Variants in USP25 observed in about 807,000 individuals in gnomAD.
USP25 encodes the protein ubiquitin specific peptidase 25.
Under a neutral mutation model 158.5 loss-of-function variants are expected in USP25, and 85 were observed. The ratio of observed to expected loss-of-function variants is 0.54; its 90% CI spans 0.45 to 0.64. The LOEUF is 0.64. Ranked by LOEUF, USP25 falls within the 30% of genes least tolerant of loss-of-function variation. The pLI, the probability that USP25 is intolerant of heterozygous loss-of-function variation, is 0.00. For synonymous variants in USP25, 464 were observed against 460.4 expected (o/e 1.01, Z -0.10); for missense variants, 1,242 against 1,327.3 (o/e 0.94, Z 1.00).
chr21:15,806,536 A>C (rs1432675855), intron 7 of USP25, among the ~76,000 whole-genome samples: 1 of 151,996 alleles, frequency 6.6e-6, no homozygotes, highest in Non-Finnish European at 1.5e-5. Context: ...GTATGTACAT[A>C]GGTGGGCTTT....
chr21:15,825,186 AG>A (rs1332339105), intron 12 of USP25, 125 bp downstream of exon 12: 8 of 644,636 alleles, frequency 1.2e-5, no homozygotes, highest in Non-Finnish European at 2.0e-5. Flanking sequence ...TTGTGTGAAT[AG>A]TTTTGAGTTT....
intron 9 of USP25, among the ~76,000 whole-genome samples, chr21:15,812,361 T>C (rs1412529301): frequency 3.3e-5 from 5 of 152,048 alleles, no homozygotes; most frequent in African/African-American, 1.2e-4. Flanking sequence ...AAATATTTAA[T>C]TTGTTGGCTG....
chr21:15,755,973 C>T (rs1218292569), intron 1 of USP25, among the ~76,000 whole-genome samples: 1 of 152,052 alleles, frequency 6.6e-6, no homozygotes, highest in Non-Finnish European at 1.5e-5. Flanking sequence ...CTTCCGGGCT[C>T]TGGGAGAGAT....
At chr21:15,796,509 A>G (rs2035868607) in intron 5 of USP25, among the ~76,000 whole-genome samples, 1 of 151,490 alleles carries the variant, frequency 6.6e-6, no homozygotes, top group South Asian at 2.1e-4. Flanking sequence ...GTAGTTGAGG[A>G]ACTAAGAAAA....
intron 4 of USP25, among the ~76,000 whole-genome samples, chr21:15,783,793 TAAAAA>T (rs34055394): frequency 8.2e-6 from 1 of 122,206 alleles, no homozygotes; most frequent in South Asian, 2.7e-4. Flanking sequence ...CCGTCTGTAC[TAAAAA>T]AAAAAAAAAA....
In USP25 at chr21:15,878,881, TA is replaced by T. The variant is rs2040199305; in HGVS notation, c.*409del. The T allele has an allele frequency of 6.5e-6, 1 of 154,612 alleles. No homozygotes were observed. Among genetic ancestry groups the T allele is most frequent in the Non-Finnish European group, 1.4e-5 (1 of 69,514 alleles). The allele number at this position is 154,612 out of a possible 1,614,324, so 9.6% of individuals were successfully genotyped here. On this transcript the variant is annotated 3_prime_UTR_variant, in exon 26 of 26. Transcript: ENST00000400183. ...AATATTTGGTAGCTTGTAAATGAAA[TA>T]AAGAATAAAGTTTTATTTATGGCTA... is the stretch of plus-strand genomic sequence containing the variant.
intron 4 of USP25, among the ~76,000 whole-genome samples, chr21:15,781,090 A>G (rs868294216): frequency 6.6e-6 from 1 of 152,192 alleles, no homozygotes; most frequent in Non-Finnish European, 1.5e-5. Context: ...TAACTTGAAA[A>G]AGTATCAGCA....
intron 8 of USP25, 38 bp downstream of exon 8, chr21:15,808,923 A>T: frequency 7.2e-7 from 1 of 1,385,694 alleles, no homozygotes; most frequent in Non-Finnish European, 1.0e-6. Context: ...GGTTTTAGGA[A>T]TTCATTAGAT....
intron 6 of USP25, among the ~76,000 whole-genome samples, chr21:15,800,841 A>G (rs770169453): frequency 1.3e-5 from 2 of 151,568 alleles, no homozygotes; most frequent in Non-Finnish European, 3.0e-5. Context: ...CACGTGAAAC[A>G]TTTATAATGC....
intron 1 of USP25, among the ~76,000 whole-genome samples, chr21:15,734,779 CA>C (rs2031324174): frequency 6.6e-6 from 1 of 151,786 alleles, no homozygotes. Context: ...ATAAATGTTT[CA>C]AAACTAGATT....
At chr21:15,852,976 G>C (rs2823506) in intron 20 of USP25, among the ~76,000 whole-genome samples, 1 of 151,836 alleles carries the variant, frequency 6.6e-6, no homozygotes, top group Non-Finnish European at 1.5e-5. Context: ...AAATTTTTTC[G>C]TATAAAAAAT....
At chr21:15,825,229 A>T (rs948473260) in intron 12 of USP25, among the ~76,000 whole-genome samples, 168 bp downstream of exon 12, 4 of 152,210 alleles carry the variant, frequency 2.6e-5, no homozygotes, top group African/African-American at 9.6e-5. Flanking sequence ...AGTAGACTTT[A>T]AAAAATTATT....
At chr21:15,815,153 C>T (rs532303618) in intron 9 of USP25, among the ~76,000 whole-genome samples, 121 of 152,284 alleles carry the variant, frequency 7.9e-4, no homozygotes, top group Middle Eastern at 3.4e-3. Flanking sequence ...GCACCTTCCA[C>T]GTGGTGTTGA....
chr21:15,876,024 G>A (rs1188717628), intron 24 of USP25: 1 of 152,238 alleles, frequency 6.6e-6, no homozygotes, highest in Non-Finnish European at 1.5e-5. Flanking sequence ...TGAAGGAAAT[G>A]AAATCGGCAT....
chr21:15,780,742 A>T (rs943728727), intron 4 of USP25, among the ~76,000 whole-genome samples: 21 of 152,232 alleles, frequency 1.4e-4, no homozygotes, highest in African/African-American at 5.1e-4. Context: ...GAATTATTAA[A>T]ATAGGTCTGT....
At chr21:15,859,533 A>G (rs1011926101) in intron 20 of USP25, among the ~76,000 whole-genome samples, 12 of 152,184 alleles carry the variant, frequency 7.9e-5, no homozygotes, top group African/African-American at 2.9e-4. Flanking sequence ...CAGTTTAGAT[A>G]TCACAGAAAT....
intron 1 of USP25, among the ~76,000 whole-genome samples, chr21:15,754,254 T>C (rs2033230134): frequency 6.6e-6 from 1 of 152,206 alleles, no homozygotes; most frequent in Non-Finnish European, 1.5e-5. Context: ...CAATAATTAG[T>C]TAGTGCCTCT....
In USP25 at chr21:15,826,195, G is replaced by A. The variant is rs1371280024; in HGVS notation, c.1305-9G>A. Reference sequence around the variant, plus strand: ...AAATAAAAGCATTTGTACATTTTATGATTAACAGATATTTAAGCTATGGTT... The same window carrying A: ...AAATAAAAGCATTTGTACATTTTATAATTAACAGATATTTAAGCTATGGTT... On this transcript the variant is annotated splice_polypyrimidine_tract_variant and intron_variant, in intron 12 of 25. Transcript: ENST00000400183. The surrounding 1 kb of genome is among the most constrained non-coding windows in gnomAD (Gnocchi z 4.8). 3 of 1,613,086 alleles carry A rather than the reference G, an allele frequency of 1.9e-6. No individual in the cohort carries two copies. Among genetic ancestry groups the A allele is most frequent in the Admixed American group, 1.7e-5 (1 of 59,950 alleles).
At chr21:15,836,078 C>G (rs2038050464) in intron 17 of USP25, among the ~76,000 whole-genome samples, 1 of 152,086 alleles carries the variant, frequency 6.6e-6, no homozygotes, top group African/African-American at 2.4e-5. Context: ...CTTCCAGGAT[C>G]TCAAAGCAAA....
Sources: allele counts gnomAD v4.1 joint callset (sites outside exome capture counted in the v4.1 genomes callset), GRCh38; gene constraint gnomAD v4.1.1; non-coding constraint Gnocchi (gnomAD v3.1); transcripts MANE v1.5; gene names NCBI Gene and HGNC (gene_info 2026-07-23, HGNC 2026-07-21).